Variants in CLEC5A observed in about 807,000 individuals in gnomAD.
CLEC5A encodes the protein C-type lectin domain containing 5A, also known as C-type lectin domain family 5 member A.
A neutral mutation model predicts 24.4 loss-of-function variants in CLEC5A; 15 were observed. The ratio of observed to expected loss-of-function variants is 0.62; its 90% CI spans 0.41 to 0.95. CLEC5A has a LOEUF of 0.95. Ranked by LOEUF, CLEC5A falls within the 40% of genes least tolerant of loss-of-function variation. The pLI is 0.00. For synonymous variants in CLEC5A, 71 were observed against 72.6 expected (o/e 0.98, Z 0.11); for missense variants, 211 against 224.0 (o/e 0.94, Z 0.37).
chr7:141,932,100 T>C (rs1443625354), intron 5 of CLEC5A, among the ~76,000 whole-genome samples: 2 of 152,204 alleles, frequency 1.3e-5, no homozygotes, highest in Non-Finnish European at 2.9e-5. Context: ...TTCTACAAAA[T>C]GCCCAGGTGA....
chr7:141,935,888 A>G lies in CLEC5A; in HGVS notation c.271T>C (p.Ser91Pro). Reference protein sequence around the residue: ...RCFFLSTSESSWNESRDFCKG... With the variant: ...RCFFLSTSESPWNESRDFCKG... ...CAAAAGTCCCTGCTTTCATTCCAAG[A>G]TGATTCAGAAGTGGATAAGAAAAAA... is the stretch of plus-strand genomic sequence containing the variant. Residue 91 changes from serine (S) to proline (P), a missense_variant, in exon 5 of 7, where the codon TCT becomes CCT. By Grantham distance (74) the Ser-to-Pro change is moderately conservative. Transcript: ENST00000546910. 1 of 1,613,502 alleles carries G rather than the reference A, an allele frequency of 6.2e-7. No individual in the cohort carries two copies. The highest frequency in any genetic ancestry group is 2.2e-5 in the East Asian group (1 of 44,884).
At position 141,933,916 on chromosome 7, in the gene CLEC5A, G is replaced by A. The variant is rs1374591764; in HGVS notation, c.345+1898C>T. Among the ~76,000 whole-genome samples the A allele has an allele frequency of 3.3e-5, 5 of 152,088 alleles. No homozygotes were observed. In the East Asian group the frequency reaches 5.8e-4, roughly 18 times the overall value. ...CGGCTGCGCAGCTGTGAATGGGAGC[G>A]GCTGGAGCAAGCAGCTGAGACAGAC... On this transcript the variant is annotated intron_variant, in intron 5 of 6. Transcript: ENST00000546910.
rs576354878 is a variant in CLEC5A at position 141,946,279 on chromosome 7, A to G, written c.14T>C (p.Met5Thr). The G allele has an allele frequency of 1.3e-6, 2 of 1,570,274 alleles. No individual in the cohort carries two copies. Among genetic ancestry groups the G allele is most frequent in the South Asian group, 2.3e-5 (2 of 85,382 alleles). The change falls in exon 2 of 7, where the codon ATG becomes ACG. Residue 5 changes from methionine to threonine, a missense_variant. Met to Thr is a moderately conservative substitution (Grantham distance 81). Transcript: ENST00000546910. MNWH[M>T]IISGLIVVVL... The stretch of plus-strand genomic sequence containing the variant: ...TACCACAATAAGCCCAGAGATGATC[A>G]TGTGCCAGTTCATGATGAAGGAGCT...
intron 4 of CLEC5A, among the ~76,000 whole-genome samples, chr7:141,939,052 T>C (rs1802711073): frequency 6.6e-6 from 1 of 152,156 alleles, no homozygotes; most frequent in African/African-American, 2.4e-5. Flanking sequence ...AGGACATTAA[T>C]GAGCAATAAG....
intron 5 of CLEC5A, among the ~76,000 whole-genome samples, chr7:141,933,575 CAT>C (rs3043785): frequency 0.042 from 4,836 of 114,196 alleles, 116 homozygotes; most frequent in African/African-American, 0.067. Flanking sequence ...AGGGAGCAGG[CAT>C]ATATATATAT....
Position 141,936,152 on chromosome 7 carries a change from A to T in CLEC5A, c.209-202T>A, listed in dbSNP as rs910252256. On this transcript the variant is annotated intron_variant, in intron 4 of 6. Coordinates refer to ENST00000546910, the MANE Select transcript of CLEC5A (RefSeq NM_013252.3). ...ATAAGGAGAATAAGGAGAAGAGCGC[A>T]GTGGCTGAATAAAGTTTCCATTAGT... 13 of 574,344 alleles carry T rather than the reference A, an allele frequency of 2.3e-5. No homozygotes were observed. In the South Asian group the frequency reaches 2.7e-4, roughly 12 times the overall value. 35.6% of individuals were successfully genotyped at this position (574,344 alleles called of 1,614,324 possible).
intron 3 of CLEC5A, 96 bp from the exon 4 acceptor site, chr7:141,944,060 G>A (rs964083548): frequency 3.8e-6 from 3 of 783,370 alleles, no homozygotes; most frequent in Non-Finnish European, 6.9e-6. Context: ...GAATCATGGA[G>A]ATGACAAGAA....
At position 141,931,793 on chromosome 7, in the gene CLEC5A, A is replaced by C; in HGVS notation, c.379T>G (p.Tyr127Asp). The change falls in exon 6 of 7, where the codon TAT (tyrosine) becomes GAT (aspartate). Residue 127 changes from tyrosine to aspartate, a missense_variant. Tyr to Asp is a radical substitution (Grantham distance 160). Transcript: ENST00000546910. Reference protein sequence around the residue: ...FLQDITDAEKYFIGLIYHREE... With the variant: ...FLQDITDAEKDFIGLIYHREE... ...CGATGGTAAATTAAGCCAATAAAAT[A>C]CTTCTCAGCATCAGTTATGTCCTGA... 6.2e-7 allele frequency: 1 copy of C among 1,605,158 alleles called. No individual in the cohort carries two copies. The highest frequency in any genetic ancestry group is 8.5e-7 in the Non-Finnish European group (1 of 1,172,396).
intron 5 of CLEC5A, 47 bp downstream of exon 5, chr7:141,935,767 G>A: frequency 6.3e-7 from 1 of 1,588,172 alleles, no homozygotes; most frequent in Non-Finnish European, 8.6e-7. Context: ...CACCCACTGA[G>A]GCTGTGTGGA....
At chr7:141,940,241 C>G (rs1381293776) in intron 4 of CLEC5A, among the ~76,000 whole-genome samples, 1 of 152,058 alleles carries the variant, frequency 6.6e-6, no homozygotes, top group African/African-American at 2.4e-5. Flanking sequence ...AACATCTTCT[C>G]TGACCACAAT....
At chr7:141,941,566 G>A (rs782172190) in intron 4 of CLEC5A, among the ~76,000 whole-genome samples, 22 of 151,992 alleles carry the variant, frequency 1.4e-4, no homozygotes, top group Non-Finnish European at 2.8e-4. Flanking sequence ...ATAGTGCTGG[G>A]AGGCTTAGCT....
In CLEC5A at chr7:141,943,895, C is replaced by T; in HGVS notation, c.208+1G>A. The stretch of plus-strand genomic sequence containing the variant: ...GAGTAGGTTGTAATCATGCACTTTA[C>T]CTGTTCCATAGCTCCTTGTGGTAAT... On this transcript the variant is annotated splice_donor_variant, in intron 4 of 6. Transcript: ENST00000546910. LOFTEE classifies it high-confidence loss of function. The T allele has an allele frequency of 3.1e-6, 5 of 1,599,992 alleles. No homozygotes were observed. Among genetic ancestry groups the T allele is most frequent in the South Asian group, 1.1e-5 (1 of 90,778 alleles).
rs1554440430 is a variant in CLEC5A, at chr7:141,931,824, C to T, written c.348G>A (p.Lys116=). 2 of 1,527,912 alleles carry T rather than the reference C, an allele frequency of 1.3e-6. No homozygotes were observed. The highest frequency in any genetic ancestry group is 2.8e-5 in the African/African-American group (2 of 71,478). 94.6% of individuals were successfully genotyped at this position (1,527,912 alleles called of 1,614,324 possible). The change falls in exon 6 of 7, where the codon AAG becomes AAA. Residue 116 remains lysine, a splice_region_variant and synonymous_variant. Coordinates refer to ENST00000546910, the MANE Select transcript of CLEC5A (RefSeq NM_013252.3). ...CAGCATCAGTTATGTCCTGAAGAAA[C>T]TTCTGGAAATAAAAAAAAAATTTTA... The part of the protein sequence containing the change: ...LAIVNTPEKL[K]FLQDITDAEK...
At chr7:141,941,591 A>T (rs1239933692) in intron 4 of CLEC5A, among the ~76,000 whole-genome samples, 1 of 152,126 alleles carries the variant, frequency 6.6e-6, no homozygotes, top group Non-Finnish European at 1.5e-5. Context: ...CAGTCAGACA[A>T]GAGAAAGAAA....
At chr7:141,941,066 G>A (rs997442431) in intron 4 of CLEC5A, among the ~76,000 whole-genome samples, 14 of 151,908 alleles carry the variant, frequency 9.2e-5, no homozygotes, top group South Asian at 4.1e-4. Context: ...GGAATACTTC[G>A]AAATTTATTC....
intron 4 of CLEC5A, among the ~76,000 whole-genome samples, chr7:141,938,624 A>G (rs1554441348): frequency 2.2e-4 from 34 of 152,198 alleles, no homozygotes; most frequent in Non-Finnish European, 2.9e-5. Context: ...ATCAATATCC[A>G]AGTACAAGAA....
chr7:141,936,782 A>T lies in CLEC5A; in HGVS notation c.209-832T>A, dbSNP rs76299312. 3.6e-3 allele frequency among the ~76,000 whole-genome samples: 551 copies of T among 152,180 alleles called. 9 individuals are homozygous for T. The highest frequency in any genetic ancestry group is 0.027 in the East Asian group (137 of 5,124). ...CCCAAGCAGCACAACTTGCAGCTCC[A>T]AAAGAGACCCTTTCTTTCTGCTTGA... On this transcript the variant is annotated intron_variant, in intron 4 of 6. Coordinates refer to ENST00000546910, the MANE Select transcript of CLEC5A (RefSeq NM_013252.3).
At chr7:141,938,647 C>T (rs577502745) in intron 4 of CLEC5A, among the ~76,000 whole-genome samples, 1 of 152,084 alleles carries the variant, frequency 6.6e-6, no homozygotes. Context: ...TTATAGAACA[C>T]CAAGTAGATT....
chr7:141,931,808 T>C lies in CLEC5A; in HGVS notation c.364A>G (p.Thr122Ala). 6.3e-7 allele frequency: 1 copy of C among 1,584,792 alleles called. No homozygotes were observed. Among genetic ancestry groups the C allele is most frequent in the Non-Finnish European group, 8.6e-7 (1 of 1,161,250 alleles). Residue 122 changes from threonine (T) to alanine (A), a missense_variant, in exon 6 of 7, where the codon ACT (threonine) becomes GCT (alanine). By Grantham distance (58) the Thr-to-Ala change is moderately conservative (BLOSUM62 0). Coordinates refer to ENST00000546910, the MANE Select transcript of CLEC5A (RefSeq NM_013252.3). The stretch of plus-strand genomic sequence containing the variant: ...CCAATAAAATACTTCTCAGCATCAG[T>C]TATGTCCTGAAGAAACTTCTGGAAA... Reference protein sequence around the residue: ...PEKLKFLQDITDAEKYFIGLI... With the variant: ...PEKLKFLQDIADAEKYFIGLI...
Sources: allele counts gnomAD v4.1 joint callset (sites outside exome capture counted in the v4.1 genomes callset), GRCh38; gene constraint gnomAD v4.1.1; transcripts MANE v1.5; gene names NCBI Gene and HGNC (gene_info 2026-07-23, HGNC 2026-07-21).